Variants in LRRTM1 observed in about 807,000 individuals in gnomAD.
The protein encoded by LRRTM1 is leucine-rich repeat transmembrane neuronal protein 1.
LRRTM1 carries 8 observed loss-of-function variants against 37.3 expected under a neutral mutation model. The ratio of observed to expected loss-of-function variants is 0.21; its 90% CI spans 0.13 to 0.39. The LOEUF (loss-of-function observed/expected upper bound fraction) is 0.39. Among genes scored for constraint, LRRTM1 ranks in the 10% least tolerant of loss-of-function variants. The probability of loss-of-function intolerance (pLI) is 1.00; values close to 1 mark genes in which losing one functional copy is unlikely to be tolerated. For synonymous variants in LRRTM1, 326 were observed against 316.8 expected (o/e 1.03, Z -0.31); for missense variants, 557 against 691.0 (o/e 0.81, Z 2.17).
rs772304473 is a variant in LRRTM1, at chr2:80,302,611, G to A, written c.1209C>T (p.Asp403=). The change falls in exon 2 of 2, where the codon GAC becomes GAT. Residue 403 remains aspartate (D), a synonymous_variant. Transcript: ENST00000295057. This position sits in a 1 kb window ranked among gnomAD's most constrained non-coding sequence, Gnocchi z 6.4. ...CCACGGTGGCAGGCTCGAATGTGCC[G>A]TCGTGCTGCCCCTCCCCGCCGTCCG... ...TLADGGEGQH[D]GTFEPATVAL... is the part of the protein sequence containing the mutation. 56 of 1,605,750 alleles carry A rather than the reference G, an allele frequency of 3.5e-5. No individual in the cohort carries two copies. Among genetic ancestry groups the A allele is most frequent in the Non-Finnish European group, 4.2e-5 (49 of 1,178,548 alleles).
chr2:80,300,943 A>C (rs1180917689), downstream of LRRTM1, among the ~76,000 whole-genome samples: 2 of 151,596 alleles, frequency 1.3e-5, no homozygotes, highest in East Asian at 3.9e-4. Context: ...CATCACTCTC[A>C]ACACAGAAAA....
At chr2:80,293,069 A>T (rs1675405454) in intron 2 of LRRTM1, among the ~76,000 whole-genome samples, 1 of 152,260 alleles carries the variant, frequency 6.6e-6, no homozygotes, top group Non-Finnish European at 1.5e-5. Context: ...ACACAGTCTC[A>T]GTTTCAGGGA....
intron 2 of LRRTM1, among the ~76,000 whole-genome samples, chr2:80,296,008 T>C (rs1190693425): frequency 1.3e-5 from 2 of 152,166 alleles, no homozygotes; most frequent in African/African-American, 4.8e-5. Flanking sequence ...ATGTGCACCC[T>C]ACTCACCAGA....
chr2:80,292,563 T>C (rs1231009490), intron 2 of LRRTM1, among the ~76,000 whole-genome samples: 4 of 152,220 alleles, frequency 2.6e-5, no homozygotes, highest in African/African-American at 9.6e-5. Context: ...AAGTAAAATA[T>C]ATGATTAACA....
intron 2 of LRRTM1, among the ~76,000 whole-genome samples, chr2:80,296,651 A>T (rs1675771479): frequency 6.6e-6 from 1 of 152,230 alleles, no homozygotes; most frequent in South Asian, 2.1e-4. Context: ...GCTGAAGCAC[A>T]GCATGATGCT....
chr2:80,298,017 G>A (rs1308201756), downstream of LRRTM1, among the ~76,000 whole-genome samples: 3 of 151,148 alleles, frequency 2.0e-5, no homozygotes, highest in Non-Finnish European at 4.4e-5. Context: ...GTGGTACTAT[G>A]TGGTTTTATA....
downstream of LRRTM1, among the ~76,000 whole-genome samples, chr2:80,297,338 G>C (rs1427277729): frequency 3.3e-5 from 5 of 152,170 alleles, no homozygotes; most frequent in Non-Finnish European, 7.3e-5. Flanking sequence ...CACTAGCTGG[G>C]TGACTTTGCA....
At chr2:80,300,429 G>A (rs911126199), downstream of LRRTM1, among the ~76,000 whole-genome samples, 28 of 151,538 alleles carry the variant, frequency 1.8e-4, no homozygotes, top group African/African-American at 6.8e-4. Flanking sequence ...AGGCATACTG[G>A]TTTCTCCATA....
At chr2:80,289,486 G>C (rs892448495) in intron 2 of LRRTM1, among the ~76,000 whole-genome samples, 1 of 152,168 alleles carries the variant, frequency 6.6e-6, no homozygotes, top group African/African-American at 2.4e-5. Context: ...CTTAGCTTCT[G>C]CTTCTAGGAG....
downstream of LRRTM1, among the ~76,000 whole-genome samples, chr2:80,296,961 C>A (rs761788989): frequency 3.9e-5 from 6 of 152,166 alleles, no homozygotes; most frequent in Non-Finnish European, 5.9e-5. Context: ...GCAGATAAAT[C>A]CCTGACAATA....
chr2:80,300,319 T>C (rs1326682134), downstream of LRRTM1, among the ~76,000 whole-genome samples: 1 of 145,216 alleles, frequency 6.9e-6, no homozygotes, highest in African/African-American at 2.7e-5. Flanking sequence ...TGTGTGTGTG[T>C]GTGTGTGTGT....
chr2:80,302,841 A>T lies in LRRTM1; in HGVS notation c.979T>A (p.Ser327Thr), dbSNP rs781605785. The change falls in exon 2 of 2, where the codon TCG becomes ACG. Residue 327 changes from serine (S) to threonine (T), a missense_variant. Ser to Thr is a moderately conservative substitution (Grantham distance 58). Coordinates refer to ENST00000295057, the MANE Select transcript of LRRTM1 (RefSeq NM_178839.5). This position sits in a 1 kb window ranked among gnomAD's most constrained non-coding sequence, Gnocchi z 6.4. ...CGCCCCTGGAAGTTGTTGAGCCACG[A>T]GGCTAGGGCACACACGTTGCGCCCG... Reference protein sequence around the residue: ...DCGRNVCALASWLNNFQGRYD... With the variant: ...DCGRNVCALATWLNNFQGRYD... The T allele has an allele frequency of 6.2e-7, 1 of 1,614,078 alleles. No individual in the cohort carries two copies.
At chr2:80,289,500 A>G (rs998082503) in intron 2 of LRRTM1, among the ~76,000 whole-genome samples, 1 of 152,300 alleles carries the variant, frequency 6.6e-6, no homozygotes, top group African/African-American at 2.4e-5. Flanking sequence ...CTAGGAGCCA[A>G]TTGCTCCTAA....
intron 1 of LRRTM1, 96 bp downstream of exon 1, chr2:80,304,056 G>A (rs1676657356): frequency 6.9e-6 from 3 of 432,534 alleles, no homozygotes; most frequent in Non-Finnish European, 1.2e-5. Context: ...AGATCAAAGA[G>A]ATGGTGATTT....
At position 80,303,640 on chromosome 2, in the gene LRRTM1, C is replaced by T. The variant is rs746976094; in HGVS notation, c.180G>A (p.Ala60=). The stretch of plus-strand genomic sequence containing the variant: ...CCAGCAGGCCGGACAGGTTGTGGGG[C>T]GCCTCGGTGAGGTTGAGCGCCTCGC... ...LYCEALNLTE[A]PHNLSGLLGL... Residue 60 remains alanine (A), a synonymous_variant, in exon 2 of 2, where the codon GCG becomes GCA. Coordinates refer to ENST00000295057, the MANE Select transcript of LRRTM1 (RefSeq NM_178839.5). This position sits in a 1 kb window ranked among gnomAD's most constrained non-coding sequence, Gnocchi z 7.7. 3 of 1,613,340 alleles carry T rather than the reference C, an allele frequency of 1.9e-6. No individual in the cohort carries two copies. The East Asian group carries it at 6.7e-5, about 36-fold the overall frequency.
downstream of LRRTM1, among the ~76,000 whole-genome samples, chr2:80,300,281 G>GGT (rs70940079): frequency 0.039 from 3,593 of 93,010 alleles, 67 homozygotes; most frequent in Admixed American, 0.063. Flanking sequence ...GGGGTGTTGG[G>GGT]GTGTGTGTGT....
intron 2 of LRRTM1, among the ~76,000 whole-genome samples, chr2:80,291,114 T>C (rs963451266): frequency 3.9e-5 from 6 of 152,212 alleles, no homozygotes; most frequent in East Asian, 3.9e-4. Flanking sequence ...AATTCCCTAG[T>C]TGCAAACGAG....
At chr2:80,292,166 T>C (rs971493987) in intron 2 of LRRTM1, among the ~76,000 whole-genome samples, 2 of 152,150 alleles carry the variant, frequency 1.3e-5, no homozygotes, top group Admixed American at 1.3e-4. Flanking sequence ...TCATCTTTTA[T>C]TTAGAAAACA....
At position 80,303,085 on chromosome 2, in the gene LRRTM1, C is replaced by G; in HGVS notation, c.735G>C (p.Val245=). ...AGTCCAGCGAGCTGACCACAATGGC[C>G]ACCTTGTTCCTCCGCAGGCAGAGCG... ...LHSLCLRRNK[V]AIVVSSLDWV... Residue 245 remains valine, a synonymous_variant, in exon 2 of 2, where the codon GTG becomes GTC. Coordinates refer to ENST00000295057, the MANE Select transcript of LRRTM1 (RefSeq NM_178839.5). This position sits in a 1 kb window ranked among gnomAD's most constrained non-coding sequence, Gnocchi z 7.7. 1 of 1,613,972 alleles carries G rather than the reference C, an allele frequency of 6.2e-7. No homozygotes were observed. The highest frequency in any genetic ancestry group is 8.5e-7 in the Non-Finnish European group (1 of 1,180,022).
Sources: gnomAD v4.1 joint callset for allele counts (sites outside exome capture counted in the v4.1 genomes callset) on GRCh38, gnomAD v4.1.1 for gene constraint, Gnocchi (gnomAD v3.1) non-coding constraint, MANE v1.5 for transcripts, NCBI Gene and HGNC (gene_info 2026-07-23, HGNC 2026-07-21) for gene names.